Variants in TRIM61 observed in about 807,000 individuals in gnomAD.
TRIM61 encodes putative tripartite motif-containing protein 61.
Under a neutral mutation model 14.2 loss-of-function variants are expected in TRIM61, and 1 was observed. The ratio of observed to expected loss-of-function variants is 0.07; its 90% CI spans 0.03 to 0.33. TRIM61 has a LOEUF of 0.33. Ranked by LOEUF, TRIM61 falls within the 10% of genes least tolerant of loss-of-function variation. TRIM61 has a pLI of 0.99. For synonymous variants in TRIM61, 8 were observed against 71.6 expected, an observed-to-expected ratio of 0.11 and a Z score of 4.49; for missense variants, 19 against 202.2, an observed-to-expected ratio of 0.09 and a Z score of 5.49.
At chr4:164,957,750 C>G (rs1198160861) in intron 3 of TRIM61, 2 of 382,462 alleles carry the variant, frequency 5.2e-6, no homozygotes, top group Non-Finnish European at 9.6e-6. Context: ...GATACGCACA[C>G]TAGATGAAAA....
chr4:164,962,560 G>A (rs1318655403), intron 3 of TRIM61, among the ~76,000 whole-genome samples: 1 of 151,892 alleles, frequency 6.6e-6, no homozygotes, highest in Non-Finnish European at 1.5e-5. Context: ...AGTTACTTCT[G>A]TAAATAAAAA....
intron 3 of TRIM61, among the ~76,000 whole-genome samples, chr4:164,963,572 C>T (rs534012446): frequency 1.2e-3 from 186 of 151,898 alleles, no homozygotes; most frequent in Admixed American, 3.1e-3. Context: ...GGAGAAACCT[C>T]GTATCTACTA....
At chr4:164,961,354 T>G (rs886917299) in intron 3 of TRIM61, among the ~76,000 whole-genome samples, 5 of 151,790 alleles carry the variant, frequency 3.3e-5, no homozygotes, top group African/African-American at 1.2e-4. Context: ...ATGCCTTCAA[T>G]GGGCTCATTA....
In TRIM61 at chr4:164,959,554, C is replaced by T. The variant is rs189595330; in HGVS notation, c.526-4458G>A. On this transcript the variant is annotated intron_variant, in intron 3 of 4. Coordinates refer to ENST00000329314, the MANE Select transcript of TRIM61 (RefSeq NM_001012414.3). Reference sequence around the variant, plus strand: ...ATTACATCTGGAGGAGGGTGAAGAACATTTGTGAAGGCCACACATGCCTGA... The same window carrying T: ...ATTACATCTGGAGGAGGGTGAAGAATATTTGTGAAGGCCACACATGCCTGA... Among the ~76,000 whole-genome samples the T allele has an allele frequency of 4.1e-4, 62 of 152,228 alleles. 1 individual carries two copies. Among genetic ancestry groups the T allele is most frequent in the Admixed American group, 3.9e-3 (60 of 15,286 alleles).
At chr4:164,965,955 T>C (rs1466874665) in intron 3 of TRIM61, among the ~76,000 whole-genome samples, 1 of 152,004 alleles carries the variant, frequency 6.6e-6, no homozygotes, top group Admixed American at 6.5e-5. Context: ...TGTGCTCAAA[T>C]TAAACAAGAA....
chr4:164,957,876 T>C (rs1007818987), intron 3 of TRIM61: 2 of 176,688 alleles, frequency 1.1e-5, no homozygotes, highest in Admixed American at 6.1e-5. Flanking sequence ...TAACAGGTAT[T>C]AAGACAAAAA....
At chr4:164,970,862 G>A (rs1201601893) in intron 2 of TRIM61, among the ~76,000 whole-genome samples, 1 of 152,082 alleles carries the variant, frequency 6.6e-6, no homozygotes. Flanking sequence ...CATTTTGGGG[G>A]GCCAAGGCGC....
At chr4:164,965,017 G>A (rs182732497) in intron 3 of TRIM61, among the ~76,000 whole-genome samples, 465 of 152,340 alleles carry the variant, frequency 3.1e-3, no homozygotes, top group Non-Finnish European at 5.3e-3. Flanking sequence ...GCTGGGCGCA[G>A]TGGCTCACAC....
intron 2 of TRIM61, among the ~76,000 whole-genome samples, chr4:164,971,949 A>G (rs1319180108): frequency 1.3e-5 from 2 of 152,182 alleles, no homozygotes; most frequent in Non-Finnish European, 2.9e-5. Flanking sequence ...TGGTTTTGAC[A>G]TGTGAAACTG....
intron 3 of TRIM61, chr4:164,968,414 A>G (rs1177746133): frequency 3.0e-6 from 3 of 984,614 alleles, no homozygotes; most frequent in Non-Finnish European, 3.6e-6. Flanking sequence ...CACTGACCCC[A>G]TAATTTAATA....
chr4:164,957,413 AG>A lies in TRIM61; in HGVS notation c.526-2318del, dbSNP rs575507953. ...AAAAGTCAGGAAGAGAACCACCATC[AG>A]GTCCCAGCCTCTTTTTGTGACAAGG... On this transcript the variant is annotated intron_variant, in intron 3 of 4. Coordinates refer to ENST00000329314, the MANE Select transcript of TRIM61 (RefSeq NM_001012414.3). 65 of 1,614,024 alleles carry A rather than the reference AG, an allele frequency of 4.0e-5. No individual in the cohort carries two copies. The African/African-American group carries it at 6.8e-4, about 17-fold the overall frequency.
rs1178406930 is a variant in TRIM61 at position 164,954,661 on chromosome 4, A to C, written c.*124T>G. On this transcript the variant is annotated 3_prime_UTR_variant, in exon 5 of 5. Transcript: ENST00000329314. ...TTTATTATGGTATAGGAACATATACATACCCTACACATGGTTGGCAGCATG... is the reference window on the plus strand; with the variant it reads ...TTTATTATGGTATAGGAACATATACCTACCCTACACATGGTTGGCAGCATG... 2 of 152,512 alleles carry C rather than the reference A, an allele frequency of 1.3e-5. No individual in the cohort carries two copies. Among genetic ancestry groups the C allele is most frequent in the Non-Finnish European group, 2.9e-5 (2 of 68,240 alleles). 9.4% of individuals were successfully genotyped at this position (152,512 alleles called of 1,614,324 possible). A position where few individuals can be genotyped will look rare whatever the true frequency, so the allele number is the denominator to read the frequency against.
chr4:164,960,966 A>C (rs1457263596), intron 3 of TRIM61, among the ~76,000 whole-genome samples: 2 of 152,018 alleles, frequency 1.3e-5, no homozygotes, highest in South Asian at 4.1e-4. Context: ...AAATGTATAC[A>C]TATATACATA....
intron 3 of TRIM61, among the ~76,000 whole-genome samples, chr4:164,956,226 C>G (rs369222845): frequency 9.9e-5 from 15 of 152,132 alleles, no homozygotes; most frequent in African/African-American, 2.4e-4. Flanking sequence ...CCAACATGTC[C>G]GGCTAATTTT....
At chr4:164,967,943 G>A (rs1346943794) in intron 3 of TRIM61, among the ~76,000 whole-genome samples, 1 of 152,140 alleles carries the variant, frequency 6.6e-6, no homozygotes, top group Non-Finnish European at 1.5e-5. Context: ...CTGGAGGTCA[G>A]GAGTTCGACA....
chr4:164,959,025 A>G (rs1358204319), intron 3 of TRIM61: 2 of 167,128 alleles, frequency 1.2e-5, no homozygotes, highest in Non-Finnish European at 2.9e-5. Flanking sequence ...TCATATGACT[A>G]TATAATTGTT....
chr4:164,969,195 A>T, intron 3 of TRIM61: 2 of 1,253,420 alleles, frequency 1.6e-6, no homozygotes, highest in African/African-American at 1.5e-5. Flanking sequence ...TTTAATTTGA[A>T]TAAAAACAGC....
chr4:164,971,197 T>C (rs765918419), intron 2 of TRIM61, among the ~76,000 whole-genome samples: 3 of 152,100 alleles, frequency 2.0e-5, no homozygotes, highest in Admixed American at 6.6e-5. Context: ...CACAATAAAA[T>C]TATCACAGTA....
intron 3 of TRIM61, among the ~76,000 whole-genome samples, chr4:164,967,575 ATG>A (rs1010014088): frequency 3.3e-5 from 5 of 152,050 alleles, no homozygotes; most frequent in South Asian, 2.1e-4. Flanking sequence ...TATGTACAGT[ATG>A]TGTGTGTGTG....
Sources: gnomAD v4.1 joint callset for allele counts (sites outside exome capture counted in the v4.1 genomes callset) on GRCh38, gnomAD v4.1.1 for gene constraint, MANE v1.5 for transcripts, NCBI Gene and HGNC (gene_info 2026-07-23, HGNC 2026-07-21) for gene names.